The following LSAMP variants were observed in gnomAD, a reference collection of about 807,000 sequenced individuals.
The protein encoded by LSAMP is limbic system associated membrane protein.
A neutral mutation model predicts 38.6 loss-of-function variants in LSAMP; 7 were observed. That is an observed-to-expected ratio of 0.18 (90% CI 0.10 to 0.34). LSAMP has a LOEUF of 0.34. Among genes scored for constraint, LSAMP ranks in the 10% least tolerant of loss-of-function variants. The pLI is 1.00. For synonymous variants in LSAMP, 154 were observed against 166.8 expected, an observed-to-expected ratio of 0.92 and a Z score of 0.59; for missense variants, 313 against 420.0, an observed-to-expected ratio of 0.75 and a Z score of 2.23.
At chr3:115,857,669 G>A (rs554357960) in intron 3 of LSAMP, among the ~76,000 whole-genome samples, 2 of 152,046 alleles carry the variant, frequency 1.3e-5, no homozygotes, top group Non-Finnish European at 2.9e-5. Flanking sequence ...ATGTGTTTTT[G>A]TGTCTCCTGG....
chr3:115,982,730 T>TTTCTCCTC (rs1178807005), intron 3 of LSAMP, among the ~76,000 whole-genome samples: 1 of 152,094 alleles, frequency 6.6e-6, no homozygotes, highest in African/African-American at 2.4e-5. Context: ...GCTGATTGTA[T>TTTCTCCTC]TTCTCCTCTT....
Position 115,803,741 on chromosome 3 carries a change from A to G in LSAMP, c.*6576T>C, listed in dbSNP as rs986764469. The G allele has an allele frequency of 6.6e-6, 1 of 152,170 alleles. No individual in the cohort carries two copies. The highest frequency in any genetic ancestry group is 1.5e-5 in the Non-Finnish European group (1 of 68,030). 9.4% of individuals were successfully genotyped at this position (152,170 alleles called of 1,614,324 possible). On this transcript the variant is annotated 3_prime_UTR_variant, in exon 7 of 7. Coordinates refer to ENST00000490035, the MANE Select transcript of LSAMP (RefSeq NM_002338.5). ...ATTCAAGCTTTGGGAAACTTATCCC[A>G]TGAGAAATTCCTTCCAAAACAAAAT...
intron 6 of LSAMP, among the ~76,000 whole-genome samples, chr3:115,836,453 A>G (rs1934789572): frequency 6.6e-6 from 1 of 152,246 alleles, no homozygotes. Flanking sequence ...TGATTTTCAA[A>G]CTAAGGGAGG....
At chr3:116,345,325 AACTT>A (rs1276946230) in intron 1 of LSAMP, among the ~76,000 whole-genome samples, 1 of 152,212 alleles carries the variant, frequency 6.6e-6, no homozygotes, top group Non-Finnish European at 1.5e-5. Context: ...GTTATAAAGT[AACTT>A]AATATTGTAA....
At chr3:116,324,551 C>T (rs976746103) in intron 1 of LSAMP, among the ~76,000 whole-genome samples, 1 of 152,122 alleles carries the variant, frequency 6.6e-6, no homozygotes, top group Non-Finnish European at 1.5e-5. Context: ...TTCATTAATA[C>T]TAGAGTCATA....
intron 1 of LSAMP, among the ~76,000 whole-genome samples, chr3:116,379,173 T>C (rs1366351094): frequency 6.6e-6 from 1 of 152,084 alleles, no homozygotes; most frequent in Non-Finnish European, 1.5e-5. Context: ...TTATTGACTA[T>C]ACATTGTATT....
In LSAMP at chr3:115,817,510, T is replaced by G. The variant is rs189258130; in HGVS notation, c.920-7096A>C. Among the ~76,000 whole-genome samples, 416 of 152,264 alleles carry G rather than the reference T, an allele frequency of 2.7e-3. 3 individuals carry two copies. In the Middle Eastern group the frequency reaches 0.037, roughly 14 times the overall value. ...GAAGAGCTCAGGTAGGTTAAATATT[T>G]GGTTTCTCTTTTAAGTACCTTTGTC... is the stretch of plus-strand genomic sequence containing the variant. On this transcript the variant is annotated intron_variant, in intron 6 of 6. Transcript: ENST00000490035.
At position 115,813,532 on chromosome 3, in the gene LSAMP, CAGTT is replaced by C. The variant is rs77864620; in HGVS notation, c.920-3122_920-3119del. On this transcript the variant is annotated intron_variant, in intron 6 of 6. Transcript: ENST00000490035. ...TATATTTGAAACTTATTTTGTGCATCAGTTAAAGATATCTTCATCTCTATCAATT... is the reference window on the plus strand; with the variant it reads ...TATATTTGAAACTTATTTTGTGCATCAAAGATATCTTCATCTCTATCAATT... Among the ~76,000 whole-genome samples, 1,457 of 152,222 alleles carry C rather than the reference CAGTT, an allele frequency of 9.6e-3. 13 individuals carry two copies. Among genetic ancestry groups the C allele is most frequent in the Non-Finnish European group, 0.015 (1,014 of 67,996 alleles).
intron 2 of LSAMP, among the ~76,000 whole-genome samples, chr3:116,031,481 T>C (rs1041662584): frequency 6.7e-6 from 1 of 149,352 alleles, no homozygotes; most frequent in African/African-American, 2.5e-5. Context: ...ATAACTCTGG[T>C]GCTTGTAAGG....
intron 1 of LSAMP, among the ~76,000 whole-genome samples, chr3:116,135,074 G>T (rs966495751): frequency 6.6e-5 from 10 of 152,056 alleles, no homozygotes; most frequent in African/African-American, 2.4e-4. Flanking sequence ...CTTTGAGGGG[G>T]TGCATTATTA....
intron 1 of LSAMP, among the ~76,000 whole-genome samples, chr3:116,148,349 C>T (rs1338934466): frequency 1.3e-5 from 2 of 151,922 alleles, no homozygotes; most frequent in Non-Finnish European, 2.9e-5. Context: ...GACTCCTGCT[C>T]ACCTCCTCTA....
chr3:115,927,793 G>C (rs148473842), intron 3 of LSAMP, among the ~76,000 whole-genome samples: 2 of 152,038 alleles, frequency 1.3e-5, no homozygotes, highest in East Asian at 1.9e-4. Flanking sequence ...ATACACTCCC[G>C]CTGCTTCAAG....
At chr3:116,256,528 T>C (rs1194433731) in intron 1 of LSAMP, among the ~76,000 whole-genome samples, 1 of 152,204 alleles carries the variant, frequency 6.6e-6, no homozygotes, top group Admixed American at 6.5e-5. Context: ...AAACAGTCCA[T>C]TGATGATATA....
chr3:116,332,545 A>G (rs2047864772), intron 1 of LSAMP, among the ~76,000 whole-genome samples: 1 of 152,194 alleles, frequency 6.6e-6, no homozygotes, highest in South Asian at 2.1e-4. Context: ...AAATGAACTA[A>G]ATGCAAAAGG....
chr3:115,897,436 A>T (rs1936757534), intron 3 of LSAMP, among the ~76,000 whole-genome samples: 1 of 152,008 alleles, frequency 6.6e-6, no homozygotes, highest in African/African-American at 2.4e-5. Context: ...CTCCATGAAG[A>T]GAAGAGGAGA....
At chr3:116,182,127 A>G (rs1710498381) in intron 1 of LSAMP, among the ~76,000 whole-genome samples, 1 of 151,902 alleles carries the variant, frequency 6.6e-6, no homozygotes, top group African/African-American at 2.4e-5. Context: ...TTAAATTAAA[A>G]GGACTAGAAA....
At chr3:116,282,756 C>G (rs1304004068) in intron 1 of LSAMP, among the ~76,000 whole-genome samples, 2 of 123,990 alleles carry the variant, frequency 1.6e-5, no homozygotes, top group Non-Finnish European at 1.6e-5. Flanking sequence ...CAGTGATACT[C>G]CCCCCACCCC....
intron 3 of LSAMP, among the ~76,000 whole-genome samples, chr3:115,911,643 C>G (rs1411462677): frequency 1.3e-5 from 2 of 152,166 alleles, no homozygotes; most frequent in Non-Finnish European, 2.9e-5. Flanking sequence ...CGTGCCTGGC[C>G]TACGTATGGG....
intron 3 of LSAMP, among the ~76,000 whole-genome samples, chr3:115,897,275 G>T (rs1936753367): frequency 6.6e-6 from 1 of 151,992 alleles, no homozygotes; most frequent in African/African-American, 2.4e-5. Context: ...TAGCTAACTT[G>T]GAAGGAGAAA....
Sources: allele counts gnomAD v4.1 joint callset (sites outside exome capture counted in the v4.1 genomes callset), GRCh38; gene constraint gnomAD v4.1.1; transcripts MANE v1.5; gene names NCBI Gene and HGNC (gene_info 2026-07-23, HGNC 2026-07-21).